The following NTM variants were observed in gnomAD, a reference collection of about 807,000 sequenced individuals.
NTM encodes the protein neurotrimin, also known as IgLON family member 2.
NTM carries 13 observed loss-of-function variants against 42.1 expected under a neutral mutation model. That is an observed-to-expected ratio of 0.31 (90% CI 0.20 to 0.49). NTM has a LOEUF of 0.49. Ranked by LOEUF, NTM falls within the 20% of genes least tolerant of loss-of-function variation. The pLI is 0.99. For synonymous variants in NTM, 187 were observed against 179.2 expected, an observed-to-expected ratio of 1.04 and a Z score of -0.35; for missense variants, 373 against 452.8, an observed-to-expected ratio of 0.82 and a Z score of 1.60.
intron 1 of NTM, chr11:131,796,048 A>T (rs2091519946): frequency 2.0e-6 from 2 of 985,280 alleles, no homozygotes; most frequent in Non-Finnish European, 2.4e-6. Context: ...ATCGAGGTGT[A>T]ATGATCAGTG....
rs563511502 is a variant in NTM, at chr11:132,078,407, G to A, written c.168-67875G>A. 7.6e-4 allele frequency among the ~76,000 whole-genome samples: 116 copies of A among 152,318 alleles called. 1 individual carries two copies. The highest frequency in any genetic ancestry group is 3.1e-3 in the Admixed American group (47 of 15,308). ...GGCTGCTACAGCACACTTAGCACTG[G>A]GGTACCTGGGTGAGTGCCACCGGTG... On this transcript the variant is annotated intron_variant, in intron 2 of 8. Transcript: ENST00000683400.
chr11:132,032,681 C>T (rs1388458598), intron 2 of NTM, among the ~76,000 whole-genome samples: 1 of 152,086 alleles, frequency 6.6e-6, no homozygotes, highest in Non-Finnish European at 1.5e-5. Flanking sequence ...AGTGGGAAGT[C>T]CTCCAAGTCA....
chr11:132,173,283 A>G (rs1197923568), intron 3 of NTM, among the ~76,000 whole-genome samples: 1 of 152,218 alleles, frequency 6.6e-6, no homozygotes, highest in East Asian at 1.9e-4. Context: ...AGTTAAATCT[A>G]TCATTTCTAT....
At position 131,811,781 on chromosome 11, in the gene NTM, G is replaced by A. The variant is rs555870184; in HGVS notation, c.83-99783G>A. On this transcript the variant is annotated intron_variant, in intron 1 of 8. Transcript: ENST00000683400. Reference sequence around the variant, plus strand: ...TTGGTATGTGAGGGGAAGATAAGAGGCACATAGCAAGATTCACTCTTGTCC... The same window carrying A: ...TTGGTATGTGAGGGGAAGATAAGAGACACATAGCAAGATTCACTCTTGTCC... 2.2e-4 allele frequency among the ~76,000 whole-genome samples: 34 copies of A among 152,246 alleles called. No individual in the cohort carries two copies. In the South Asian group the frequency reaches 3.3e-3, roughly 15 times the overall value.
At chr11:131,436,346 T>G (rs1012782139) in intron 1 of NTM, among the ~76,000 whole-genome samples, 5 of 152,194 alleles carry the variant, frequency 3.3e-5, no homozygotes, top group Non-Finnish European at 5.9e-5. Flanking sequence ...TGGAATAGTT[T>G]CAGAAGGAAT....
intron 1 of NTM, among the ~76,000 whole-genome samples, chr11:131,540,154 GTTTTTTTTTTTTTTTTTTTT>G (rs57022166): frequency 1.2e-5 from 1 of 86,684 alleles, no homozygotes. Context: ...ATTTAAGCTT[GTTTTTTTTTTTTTTTTTTTT>G]TTTTTTTTGA....
chr11:131,700,973 A>C (rs1452896560), intron 1 of NTM, among the ~76,000 whole-genome samples: 2 of 152,196 alleles, frequency 1.3e-5, no homozygotes, highest in African/African-American at 4.8e-5. Context: ...GTCCTTACAG[A>C]AGTTTCTTAA....
chr11:132,210,643 A>G (rs529915296), intron 3 of NTM, among the ~76,000 whole-genome samples: 3 of 152,328 alleles, frequency 2.0e-5, no homozygotes, highest in Admixed American at 2.0e-4. Context: ...GGAACCAAAT[A>G]TCACATGTTT....
chr11:132,185,951 A>G (rs1221111857), intron 3 of NTM, among the ~76,000 whole-genome samples: 1 of 152,192 alleles, frequency 6.6e-6, no homozygotes, highest in African/African-American at 2.4e-5. Context: ...ATTCATCCTA[A>G]TCAGAAATAA....
chr11:132,116,629 G>A (rs557290745), intron 2 of NTM, among the ~76,000 whole-genome samples: 2 of 152,314 alleles, frequency 1.3e-5, no homozygotes, highest in East Asian at 1.9e-4. Context: ...TCTACCTCAA[G>A]GACCTAGCAT....
At position 132,081,936 on chromosome 11, in the gene NTM, ATATATATATATT is replaced by A. The variant is rs541804845; in HGVS notation, c.168-64334_168-64323del. On this transcript the variant is annotated intron_variant, in intron 2 of 8. Transcript: ENST00000683400. ...TCACGCCACACACACACACATATTC[ATATATATATATT>A]TATATATATATATATAGTGATTAAA... Among the ~76,000 whole-genome samples, 9 of 130,228 alleles carry A rather than the reference ATATATATATATT, an allele frequency of 6.9e-5. No homozygotes were observed. In the South Asian group the frequency reaches 1.8e-3, roughly 25 times the overall value. The allele number at this position is 130,228 out of a possible 152,430, so 85.4% of individuals were successfully genotyped here.
At chr11:131,626,469 T>A (rs1182207123) in intron 1 of NTM, among the ~76,000 whole-genome samples, 1 of 152,204 alleles carries the variant, frequency 6.6e-6, no homozygotes, top group African/African-American at 2.4e-5. Flanking sequence ...TTCACACTTA[T>A]AGGGAAGTTG....
At chr11:131,695,270 A>C (rs1327142407) in intron 1 of NTM, among the ~76,000 whole-genome samples, 3 of 149,964 alleles carry the variant, frequency 2.0e-5, no homozygotes, top group African/African-American at 7.4e-5. Context: ...CCACCTGCAC[A>C]CCTCTGGCTT....
At chr11:131,862,297 G>A (rs1279622106) in intron 1 of NTM, among the ~76,000 whole-genome samples, 1 of 152,186 alleles carries the variant, frequency 6.6e-6, no homozygotes. Flanking sequence ...ACTTAAAGAA[G>A]TAATTTTAAC....
chr11:132,175,119 TA>T (rs2076616171), intron 3 of NTM, among the ~76,000 whole-genome samples: 1 of 152,164 alleles, frequency 6.6e-6, no homozygotes, highest in African/African-American at 2.4e-5. Flanking sequence ...CCAGCGCTCA[TA>T]CTAGAGAATG....
chr11:131,988,981 G>T (rs1326207802), intron 2 of NTM, among the ~76,000 whole-genome samples: 1 of 152,144 alleles, frequency 6.6e-6, no homozygotes, highest in African/African-American at 2.4e-5. Context: ...TCATCTTCCT[G>T]ATTCTTTGAA....
chr11:132,182,926 A>C (rs1484975074), intron 3 of NTM, among the ~76,000 whole-genome samples: 1 of 152,184 alleles, frequency 6.6e-6, no homozygotes, highest in Non-Finnish European at 1.5e-5. Context: ...TCTGCTTCCT[A>C]GAACACTCTC....
At chr11:131,601,512 C>T (rs372890549) in intron 1 of NTM, among the ~76,000 whole-genome samples, 13 of 151,940 alleles carry the variant, frequency 8.6e-5, no homozygotes, top group East Asian at 7.7e-4. Context: ...CTCATTTGGA[C>T]GCAGATAAAA....
intron 2 of NTM, among the ~76,000 whole-genome samples, chr11:132,099,277 G>C (rs1043945655): frequency 3.9e-5 from 6 of 152,190 alleles, no homozygotes; most frequent in Admixed American, 1.3e-4. Context: ...ATTAGAATCA[G>C]AGACTCATAC....
Sources: gnomAD v4.1 joint callset for allele counts (sites outside exome capture counted in the v4.1 genomes callset) on GRCh38, gnomAD v4.1.1 for gene constraint, MANE v1.5 for transcripts, NCBI Gene and HGNC (gene_info 2026-07-23, HGNC 2026-07-21) for gene names.